MAP3K20: variants seen among roughly 807,000 people sequenced by gnomAD.
The protein encoded by MAP3K20 is mitogen-activated protein kinase kinase kinase 20.
MAP3K20 carries 40 observed loss-of-function variants against 85.7 expected under a neutral mutation model. The observed-to-expected ratio is 0.47, with a 90% CI of 0.36 to 0.61. The LOEUF (loss-of-function observed/expected upper bound fraction) is 0.61. Ranked by LOEUF, MAP3K20 falls within the 20% of genes least tolerant of loss-of-function variation. The pLI, the probability that MAP3K20 is intolerant of heterozygous loss-of-function variation, is 0.00. For missense variants in MAP3K20, 817 were observed against 961.7 expected, an observed-to-expected ratio of 0.85 and a Z score of 1.99; for synonymous variants, 325 against 327.7, an observed-to-expected ratio of 0.99 and a Z score of 0.09.
intron 11 of MAP3K20, among the ~76,000 whole-genome samples, chr2:173,218,841 G>A (rs904380221): frequency 9.9e-5 from 15 of 152,098 alleles, no homozygotes; most frequent in African/African-American, 1.7e-4. Context: ...ACATAGTTGC[G>A]TAATAAATAA....
chr2:173,231,227 C>G (rs1684517607), intron 12 of MAP3K20, among the ~76,000 whole-genome samples: 2 of 152,220 alleles, frequency 1.3e-5, no homozygotes, highest in Non-Finnish European at 2.9e-5. Context: ...GTTTTGGGCC[C>G]AGGCATTTCC....
At chr2:173,224,382 T>C in intron 11 of MAP3K20, 1 of 985,408 alleles carries the variant, frequency 1.0e-6, no homozygotes, top group Non-Finnish European at 1.2e-6. Flanking sequence ...TTTCTTAATT[T>C]ATGTATAAAT....
intron 19 of MAP3K20, among the ~76,000 whole-genome samples, chr2:173,265,117 C>T (rs1685386916): frequency 6.6e-6 from 1 of 152,204 alleles, no homozygotes; most frequent in Admixed American, 6.5e-5. Context: ...GGACAAGTCA[C>T]TCACTTCAGA....
At chr2:173,161,927 C>T (rs1689670927) in intron 2 of MAP3K20, among the ~76,000 whole-genome samples, 1 of 152,154 alleles carries the variant, frequency 6.6e-6, no homozygotes, top group Admixed American at 6.5e-5. Context: ...TCACTTTTTC[C>T]TGACCCAATC....
chr2:173,265,883 A>G (rs1179527615), intron 19 of MAP3K20, among the ~76,000 whole-genome samples, 167 bp from the exon 20 acceptor site: 1 of 152,190 alleles, frequency 6.6e-6, no homozygotes, highest in African/African-American at 2.4e-5. Context: ...CTTATTTTTT[A>G]AAGTATTTGT....
rs565333842 is a variant in MAP3K20, at chr2:173,091,036, C to T, written c.5C>T (p.Ser2Leu). Residue 2 changes from serine to leucine, a missense_variant, in exon 2 of 20, where the codon TCG (serine) becomes TTG (leucine). Ser to Leu is a moderately radical substitution (Grantham distance 145). This residue lies in a region of MAP3K20 where 200 missense variants were observed against 302.7 expected (regional missense o/e 0.66). Transcript: ENST00000375213. ...ATAATACTTTGTCATTATGAGATGT[C>T]GTCTCTCGGTGCCTCCTTTGTGCAA... M[S>L]SLGASFVQIK... 14 of 1,608,660 alleles carry T rather than the reference C, an allele frequency of 8.7e-6. No individual in the cohort carries two copies. The highest frequency in any genetic ancestry group is 1.7e-5 in the Admixed American group (1 of 58,522).
At chr2:173,096,596 C>A (rs1407412305) in intron 2 of MAP3K20, among the ~76,000 whole-genome samples, 3 of 152,230 alleles carry the variant, frequency 2.0e-5, no homozygotes, top group African/African-American at 7.2e-5. Context: ...CCTCGGCCTC[C>A]CAAAGTGCTG....
At chr2:173,244,051 G>A (rs1684861390) in intron 16 of MAP3K20, among the ~76,000 whole-genome samples, 1 of 152,196 alleles carries the variant, frequency 6.6e-6, no homozygotes, top group African/African-American at 2.4e-5. Flanking sequence ...AAATGTCAAA[G>A]CGCTGAGCCT....
At chr2:173,162,881 G>A (rs150288701) in intron 2 of MAP3K20, among the ~76,000 whole-genome samples, 1 of 152,234 alleles carries the variant, frequency 6.6e-6, no homozygotes, top group East Asian at 1.9e-4. Flanking sequence ...TTGCTGCTAG[G>A]TGGAGGGAAG....
At chr2:173,188,996 T>C (rs1487047015) in intron 5 of MAP3K20, among the ~76,000 whole-genome samples, 1 of 152,190 alleles carries the variant, frequency 6.6e-6, no homozygotes, top group Non-Finnish European at 1.5e-5. Context: ...TTATGAAGAC[T>C]ATATAACAAT....
intron 7 of MAP3K20, among the ~76,000 whole-genome samples, chr2:173,191,741 G>T (rs1172222293): frequency 6.6e-6 from 1 of 152,176 alleles, no homozygotes; most frequent in African/African-American, 2.4e-5. Context: ...ACTATCTGAA[G>T]CGTGACTCTA....
At position 173,257,902 on chromosome 2, in the gene MAP3K20, C is replaced by T. The variant is rs73018865; in HGVS notation, c.1360-797C>T. On this transcript the variant is annotated intron_variant, in intron 16 of 19. Coordinates refer to ENST00000375213, the MANE Select transcript of MAP3K20 (RefSeq NM_016653.3). ...GATTTAATTTGCATTTTCCTGGTAACGAATGGTGTAAAGCACTTTTTCATT... is the reference window on the plus strand; with the variant it reads ...GATTTAATTTGCATTTTCCTGGTAATGAATGGTGTAAAGCACTTTTTCATT... Among the ~76,000 whole-genome samples the T allele has an allele frequency of 4.6e-3, 693 of 152,120 alleles. 4 individuals carry two copies. Among genetic ancestry groups the T allele is most frequent in the African/African-American group, 0.016 (660 of 41,480 alleles).
intron 1 of MAP3K20, among the ~76,000 whole-genome samples, chr2:173,077,064 A>G (rs1458554705): frequency 1.3e-5 from 2 of 152,206 alleles, no homozygotes; most frequent in Non-Finnish European, 2.9e-5. Context: ...AAGCAACACA[A>G]TTTAGGGGCC....
intron 2 of MAP3K20, among the ~76,000 whole-genome samples, chr2:173,099,950 A>T (rs1687588823): frequency 6.6e-6 from 1 of 152,256 alleles, no homozygotes; most frequent in Non-Finnish European, 1.5e-5. Context: ...AGACTTGGAT[A>T]ACTGTTAACG....
At chr2:173,190,173 G>A (rs974777626) in intron 5 of MAP3K20, among the ~76,000 whole-genome samples, 2 of 151,960 alleles carry the variant, frequency 1.3e-5, no homozygotes, top group African/African-American at 4.8e-5. Flanking sequence ...CCTCTTCCTG[G>A]TTAACTCCTG....
At chr2:173,255,798 T>G (rs1401541458) in intron 16 of MAP3K20, among the ~76,000 whole-genome samples, 3 of 152,238 alleles carry the variant, frequency 2.0e-5, no homozygotes, top group Non-Finnish European at 4.4e-5. Flanking sequence ...GAAACTGAAC[T>G]AAGTAAACTC....
chr2:173,258,596 C>A (rs1388953709), intron 16 of MAP3K20, 103 bp from the exon 17 acceptor site: 4 of 632,170 alleles, frequency 6.3e-6, no homozygotes, highest in African/African-American at 5.7e-5. Context: ...AAAGCCACTC[C>A]AATAATACTT....
At chr2:173,167,440 T>C (rs1004167466) in intron 2 of MAP3K20, among the ~76,000 whole-genome samples, 1 of 152,174 alleles carries the variant, frequency 6.6e-6, no homozygotes, top group Admixed American at 6.5e-5. Context: ...TCTGCCTCTG[T>C]TTACTGTTGG....
At chr2:173,099,527 A>AC (rs1338133987) in intron 2 of MAP3K20, among the ~76,000 whole-genome samples, 1 of 149,500 alleles carries the variant, frequency 6.7e-6, no homozygotes, top group Admixed American at 6.6e-5. Flanking sequence ...GGATCTCTCC[A>AC]CTCCTGTCCA....
Sources: gnomAD v4.1 joint callset for allele counts (sites outside exome capture counted in the v4.1 genomes callset) on GRCh38, gnomAD v4.1.1 for gene constraint, gnomAD v4.1.1 regional missense constraint, MANE v1.5 for transcripts, NCBI Gene and HGNC (gene_info 2026-07-23, HGNC 2026-07-21) for gene names.